AADAT: variants seen among roughly 807,000 people sequenced by gnomAD.
The protein encoded by AADAT is aminoadipate aminotransferase.
AADAT carries 25 observed loss-of-function variants against 56.2 expected under a neutral mutation model. That is an observed-to-expected ratio of 0.44 (90% confidence interval 0.32 to 0.62). AADAT has a LOEUF of 0.62. AADAT is among the 20% of genes least tolerant of loss of function. The pLI, the probability that AADAT is intolerant of heterozygous loss-of-function variation, is 0.04. For synonymous variants in AADAT, 173 were observed against 164.7 expected, an observed-to-expected ratio of 1.05 and a Z score of -0.39; for missense variants, 387 against 510.5, an observed-to-expected ratio of 0.76 and a Z score of 2.33.
chr4:170,060,682 G>A lies in AADAT; in HGVS notation c.*246C>T. ...CTAATACCAGTGTTCATTTCTTCCT[G>A]CCAAAACAAGAAATTTATTGGAAAA... On this transcript the variant is annotated 3_prime_UTR_variant, in exon 13 of 13. Transcript: ENST00000337664. 1 of 351,420 alleles carries A rather than the reference G, an allele frequency of 2.8e-6. No homozygotes were observed. The highest frequency in any genetic ancestry group is 5.1e-6 in the Non-Finnish European group (1 of 197,474). The allele number at this position is 351,420 out of a possible 1,614,324, so 21.8% of individuals were successfully genotyped here. A position where few individuals can be genotyped will look rare whatever the true frequency, so the allele number is the denominator to read the frequency against.
intron 3 of AADAT, among the ~76,000 whole-genome samples, chr4:170,084,830 T>C (rs1294383843): frequency 1.3e-5 from 2 of 152,214 alleles, no homozygotes; most frequent in Non-Finnish European, 2.9e-5. Context: ...AAGGAATCAC[T>C]TGGGTGGCAG....
chr4:170,061,280 T>C (rs967644494), intron 12 of AADAT, among the ~76,000 whole-genome samples: 4 of 152,216 alleles, frequency 2.6e-5, no homozygotes, highest in African/African-American at 7.2e-5. Flanking sequence ...GCATTTTATA[T>C]AGATTCAATT....
Position 170,060,921 on chromosome 4 carries a change from A to C in AADAT, c.*7T>G. On this transcript the variant is annotated 3_prime_UTR_variant, in exon 13 of 13. Coordinates refer to ENST00000337664, the MANE Select transcript of AADAT (RefSeq NM_016228.4). ...TGAGCCACCATGCCCAACCTAGTTT[A>C]ATTTCTTCATAAAGATTCTTTTATA... is the stretch of plus-strand genomic sequence containing the variant. 1 of 1,542,896 alleles carries C rather than the reference A, an allele frequency of 6.5e-7. No homozygotes were observed. The highest frequency in any genetic ancestry group is 2.5e-5 in the East Asian group (1 of 40,678).
intron 1 of AADAT, 44 bp downstream of exon 1, chr4:170,089,580 G>T (rs1178437282): frequency 1.2e-6 from 2 of 1,610,530 alleles, no homozygotes; most frequent in South Asian, 2.2e-5. Flanking sequence ...GGCTGTGCGA[G>T]GAATGCCCCA....
chr4:170,073,398 T>A, intron 4 of AADAT, 53 bp from the exon 5 acceptor site: 1 of 1,447,958 alleles, frequency 6.9e-7, no homozygotes. Flanking sequence ...ATGTAAGTGC[T>A]ATTGGTTTTT....
chr4:170,060,879 T>G lies in AADAT; in HGVS notation c.*49A>C. The G allele has an allele frequency of 6.9e-7, 1 of 1,452,986 alleles. No homozygotes were observed. The highest frequency in any genetic ancestry group is 2.3e-5 in the Admixed American group (1 of 44,194). The allele number at this position is 1,452,986 out of a possible 1,614,324, so 90.0% of individuals were successfully genotyped here. A position where few individuals can be genotyped will look rare whatever the true frequency, so the allele number is the denominator to read the frequency against. ...ATCCTCCCTCCTCTGCCTCCCAAAG[T>G]GCTGGGATTATAGGTGTGAGCCACC... On this transcript the variant is annotated 3_prime_UTR_variant, in exon 13 of 13. Coordinates refer to ENST00000337664, the MANE Select transcript of AADAT (RefSeq NM_016228.4).
rs112229990 is a variant in AADAT, at chr4:170,068,606, G to T, written c.885C>A (p.Pro295=). The change falls in exon 8 of 13, where the codon CCC becomes CCA. Residue 295 remains proline, a synonymous_variant. Coordinates refer to ENST00000337664, the MANE Select transcript of AADAT (RefSeq NM_016228.4). ...ILHIQVSTLH[P]STFNQLMISQ... is the part of the protein sequence containing the mutation. The stretch of plus-strand genomic sequence containing the variant: ...TTGTCCTTACCTGGTTAAAAGTGCT[G>T]GGGTGCAATGTTGAAACTTGTATGT... 1.1e-4 allele frequency: 176 copies of T among 1,601,558 alleles called. 1 individual carries two copies. Among genetic ancestry groups the T allele is most frequent in the Non-Finnish European group, 1.4e-4 (165 of 1,176,896 alleles).
chr4:170,089,297 G>A, intron 1 of AADAT: 1 of 539,634 alleles, frequency 1.9e-6, no homozygotes, highest in Non-Finnish European at 3.5e-6. Context: ...TGCACGCTGT[G>A]CATGCCCCTT....
intron 5 of AADAT, among the ~76,000 whole-genome samples, chr4:170,072,283 A>G (rs191924099): frequency 3.8e-4 from 55 of 146,510 alleles, no homozygotes; most frequent in Admixed American, 1.2e-3. Flanking sequence ...GTGTGTGTGT[A>G]TATATATGTG....
intron 3 of AADAT, 106 bp downstream of exon 3, chr4:170,087,010 T>A: frequency 1.5e-6 from 2 of 1,316,582 alleles, no homozygotes; most frequent in Non-Finnish European, 1.0e-6. Flanking sequence ...CAAGAAAGAC[T>A]ACCAGTAATC....
At chr4:170,093,046 A>G (rs1401864294), upstream of AADAT, among the ~76,000 whole-genome samples, 1 of 146,298 alleles carries the variant, frequency 6.8e-6, no homozygotes, top group Admixed American at 7.0e-5. Context: ...ACTTGTAACT[A>G]GATATGTTGA....
In AADAT at chr4:170,073,339, G is replaced by C; in HGVS notation, c.451C>G (p.Pro151Ala). ...ACATTAATAATGTTGCAGCCCAGTG[G>C]GTGCAGCTGTTGAGCACAAAAGAAA... ...AYSGTLQSLH[P>A]LGCNIINVAS... The change falls in exon 5 of 13, where the codon CCA becomes GCA. Residue 151 changes from proline (P) to alanine (A), a missense_variant. Pro to Ala is a conservative substitution (Grantham distance 27). Transcript: ENST00000337664. 6.2e-7 allele frequency: 1 copy of C among 1,613,328 alleles called. No individual in the cohort carries two copies. Among genetic ancestry groups the C allele is most frequent in the Non-Finnish European group, 8.5e-7 (1 of 1,179,804 alleles).
intron 7 of AADAT, among the ~76,000 whole-genome samples, 195 bp downstream of exon 7, chr4:170,068,953 G>A (rs1252779934): frequency 3.9e-5 from 6 of 152,088 alleles, no homozygotes; most frequent in African/African-American, 1.4e-4. Flanking sequence ...TAGATAAACA[G>A]CCAAGAATCT....
intron 9 of AADAT, among the ~76,000 whole-genome samples, chr4:170,067,059 G>GT (rs1438614251): frequency 6.6e-6 from 1 of 152,150 alleles, no homozygotes; most frequent in Non-Finnish European, 1.5e-5. Flanking sequence ...CATCATTTAA[G>GT]TAAGTAAATC....
intron 3 of AADAT, among the ~76,000 whole-genome samples, chr4:170,081,609 A>G (rs1366462483): frequency 6.6e-6 from 1 of 152,236 alleles, no homozygotes; most frequent in African/African-American, 2.4e-5. Flanking sequence ...GTCTGGCAAC[A>G]GACATCTCAA....
At chr4:170,093,103 C>T (rs1246261497), upstream of AADAT, among the ~76,000 whole-genome samples, 1 of 151,914 alleles carries the variant, frequency 6.6e-6, no homozygotes, top group Non-Finnish European at 1.5e-5. Flanking sequence ...AGGACTCTAA[C>T]TGAGCAAGGT....
chr4:170,071,313 A>G (rs1203669008), intron 5 of AADAT, among the ~76,000 whole-genome samples: 2 of 152,196 alleles, frequency 1.3e-5, no homozygotes, highest in Non-Finnish European at 2.9e-5. Context: ...GGCCTTCCAG[A>G]CCAGGTAATA....
chr4:170,075,997 G>A (rs1050781299), intron 4 of AADAT, among the ~76,000 whole-genome samples: 2 of 152,250 alleles, frequency 1.3e-5, no homozygotes, highest in South Asian at 2.1e-4. Flanking sequence ...ATCCACTGAT[G>A]GACACTTGAG....
At position 170,060,463 on chromosome 4, in the gene AADAT, A is replaced by G. The variant is rs1376155825; in HGVS notation, c.*465T>C. 2 of 152,478 alleles carry G rather than the reference A, an allele frequency of 1.3e-5. No homozygotes were observed. The highest frequency in any genetic ancestry group is 2.9e-5 in the Non-Finnish European group (2 of 68,222). 9.4% of individuals were successfully genotyped at this position (152,478 alleles called of 1,614,324 possible). ...TAGTTTCAAAGACAATTTATGGGAAATTACAAAGCAACTACAAAGTTCTTC... is the reference window on the plus strand; with the variant it reads ...TAGTTTCAAAGACAATTTATGGGAAGTTACAAAGCAACTACAAAGTTCTTC... On this transcript the variant is annotated 3_prime_UTR_variant, in exon 13 of 13. Coordinates refer to ENST00000337664, the MANE Select transcript of AADAT (RefSeq NM_016228.4).
Sources: gnomAD v4.1 joint callset for allele counts (sites outside exome capture counted in the v4.1 genomes callset) on GRCh38, gnomAD v4.1.1 for gene constraint, MANE v1.5 for transcripts, NCBI Gene and HGNC (gene_info 2026-07-23, HGNC 2026-07-21) for gene names.